Variants in GALNT15 observed in about 807,000 individuals in gnomAD.
GALNT15 encodes the protein UDP-GalNAc transferase T15.
GALNT15 carries 67 observed loss-of-function variants against 66.8 expected under a neutral mutation model. The ratio of observed to expected loss-of-function variants is 1.00; its 90% confidence interval spans 0.82 to 1.23. The LOEUF is 1.23. Among genes scored for constraint, GALNT15 ranks in the 50% most tolerant of loss-of-function variants. The pLI, the probability that GALNT15 is intolerant of heterozygous loss-of-function variation, is 0.00. For missense variants in GALNT15, 827 were observed against 804.3 expected, an observed-to-expected ratio of 1.03 and a Z score of -0.34; for synonymous variants, 313 against 311.5, an observed-to-expected ratio of 1.00 and a Z score of -0.05.
intron 8 of GALNT15, 53 bp from the exon 9 acceptor site, chr3:16,222,562 C>T: frequency 6.2e-7 from 1 of 1,607,818 alleles, no homozygotes; most frequent in Non-Finnish European, 8.5e-7. Context: ...TCCTCTACAG[C>T]TTTGAAGAGG....
At chr3:16,213,372 A>G (rs1284223303) in intron 6 of GALNT15, among the ~76,000 whole-genome samples, 1 of 146,284 alleles carries the variant, frequency 6.8e-6, no homozygotes, top group African/African-American at 2.5e-5. Flanking sequence ...GGAGAATGGC[A>G]TGAAGCTGGG....
chr3:16,243,598 T>C, the GALNT15 span, among the ~76,000 whole-genome samples: 2,093 of 152,250 alleles, frequency 0.014, 31 homozygotes, highest in Non-Finnish European at 0.02. Context: ...TGAGGAACCA[T>C]GGGTGTCTCA....
Position 16,217,607 on chromosome 3 carries a change from C to T in GALNT15, c.1393-1796C>T, listed in dbSNP as rs903903123. On this transcript the variant is annotated intron_variant, in intron 6 of 9. Transcript: ENST00000339732. ...ACAGAAATCCTGGGCACCCAAAAGACAAGGCCAGACTTTTGCTGCTTGGGG... is the reference window on the plus strand; with the variant it reads ...ACAGAAATCCTGGGCACCCAAAAGATAAGGCCAGACTTTTGCTGCTTGGGG... Among the ~76,000 whole-genome samples, 8 of 152,204 alleles carry T rather than the reference C, an allele frequency of 5.3e-5. 1 individual carries two copies. Among genetic ancestry groups the T allele is most frequent in the South Asian group, 4.1e-4 (2 of 4,832 alleles).
chr3:16,190,536 G>A (rs1408214380), intron 1 of GALNT15, among the ~76,000 whole-genome samples: 1 of 151,978 alleles, frequency 6.6e-6, no homozygotes. Flanking sequence ...TACTCAGGAG[G>A]CTGAGGCAGG....
At position 16,200,718 on chromosome 3, in the gene GALNT15, T is replaced by C; in HGVS notation, c.806T>C (p.Leu269Pro). 1.2e-6 allele frequency: 2 copies of C among 1,611,954 alleles called. No individual in the cohort carries two copies. Among genetic ancestry groups the C allele is most frequent in the Non-Finnish European group, 1.7e-6 (2 of 1,179,104 alleles). ...CTGGGTGCCATCAGGGCCCGGATGC[T>C]GGGGGCCACCAGAGCCACCGGGGAT... Reference protein sequence around the residue: ...KRLGAIRARMLGATRATGDVL... With the variant: ...KRLGAIRARMPGATRATGDVL... The change falls in exon 3 of 10, where the codon CTG becomes CCG. Residue 269 changes from leucine (L) to proline (P), a missense_variant. Coordinates refer to ENST00000339732, the MANE Select transcript of GALNT15 (RefSeq NM_054110.5). The surrounding 1 kb of genome is among the most constrained non-coding windows in gnomAD (Gnocchi z 4.4).
intron 3 of GALNT15, among the ~76,000 whole-genome samples, chr3:16,202,756 C>T (rs534916958): frequency 2.0e-5 from 3 of 152,298 alleles, no homozygotes; most frequent in African/African-American, 7.2e-5. Context: ...TTGATCTTGC[C>T]CATTTCCCAT....
chr3:16,232,550 C>T (rs1290825894), downstream of GALNT15, among the ~76,000 whole-genome samples: 1 of 132,444 alleles, frequency 7.6e-6, no homozygotes, highest in African/African-American at 2.8e-5. Context: ...GTTGAGCTCT[C>T]AGCAGCCTTG....
At chr3:16,213,507 T>G (rs1264905904) in intron 6 of GALNT15, among the ~76,000 whole-genome samples, 1 of 149,256 alleles carries the variant, frequency 6.7e-6, no homozygotes, top group African/African-American at 2.5e-5. Context: ...AATAAAAATT[T>G]TAAACATTTA....
At chr3:16,216,822 A>G (rs2102304) in intron 6 of GALNT15, among the ~76,000 whole-genome samples, 120,995 of 152,234 alleles carry the variant, frequency 0.79, 48,811 homozygotes, top group East Asian at 1. Context: ...AAACGCCACC[A>G]TTTTGCCTCT....
chr3:16,216,663 A>G (rs968289219), intron 6 of GALNT15, among the ~76,000 whole-genome samples: 4 of 152,118 alleles, frequency 2.6e-5, no homozygotes, highest in Non-Finnish European at 5.9e-5. Flanking sequence ...TTTTTCCCTG[A>G]TTCTTCCCCT....
chr3:16,246,764 T>C, the GALNT15 span, among the ~76,000 whole-genome samples: 2 of 152,140 alleles, frequency 1.3e-5, no homozygotes, highest in East Asian at 3.8e-4. Context: ...CATAATATTA[T>C]ATAGATTAAA....
At chr3:16,234,239 C>G (rs1040910738), downstream of GALNT15, among the ~76,000 whole-genome samples, 2 of 152,214 alleles carry the variant, frequency 1.3e-5, no homozygotes, top group Non-Finnish European at 2.9e-5. Flanking sequence ...CTGGCCCCAC[C>G]CATATCCCTC....
chr3:16,234,923 CTTT>C (rs1203363973), downstream of GALNT15, among the ~76,000 whole-genome samples: 6 of 131,118 alleles, frequency 4.6e-5, no homozygotes, highest in African/African-American at 2.9e-5. Context: ...TTATCCCAAT[CTTT>C]TTTTTTTTTT....
chr3:16,216,476 G>C (rs1247007236), intron 6 of GALNT15, among the ~76,000 whole-genome samples: 4 of 146,482 alleles, frequency 2.7e-5, no homozygotes, highest in Non-Finnish European at 5.9e-5. Flanking sequence ...TTTAGCCTGC[G>C]AGCCAGAGCA....
At chr3:16,202,039 GA>G (rs1436065918) in intron 3 of GALNT15, among the ~76,000 whole-genome samples, 3 of 152,198 alleles carry the variant, frequency 2.0e-5, no homozygotes, top group African/African-American at 7.2e-5. Context: ...TATCTCACCT[GA>G]AGTTAGGGAT....
rs976036190 is a variant in GALNT15, at chr3:16,230,132, C to T, written c.*2632C>T. 6.0e-5 allele frequency among the ~76,000 whole-genome samples: 9 copies of T among 149,532 alleles called. No individual in the cohort carries two copies. Among genetic ancestry groups the T allele is most frequent in the Admixed American group, 2.6e-4 (4 of 15,172 alleles). ...AATTTTGTGATTGGATTTTGTTGTT[C>T]GTTTTTTAAGATTGAATTTTGTTAC... On this transcript the variant is annotated 3_prime_UTR_variant, in exon 10 of 10. Transcript: ENST00000339732. The surrounding 1 kb of genome is among the most constrained non-coding windows in gnomAD (Gnocchi z 4.5).
rs140045267 is a variant in GALNT15, at chr3:16,191,179, C to T, written c.540-4581C>T. On this transcript the variant is annotated intron_variant, in intron 1 of 9. Coordinates refer to ENST00000339732, the MANE Select transcript of GALNT15 (RefSeq NM_054110.5). This position sits in a 1 kb window ranked among gnomAD's most constrained non-coding sequence, Gnocchi z 5.2. ...ATCTGTTCATAAAACCCCAAAATTC[C>T]TGGAGCAAGGGGAGTCTATGAAATT... 1.0e-3 allele frequency among the ~76,000 whole-genome samples: 155 copies of T among 152,330 alleles called. 1 individual carries two copies. The highest frequency in any genetic ancestry group is 3.6e-3 in the African/African-American group (148 of 41,570).
downstream of GALNT15, among the ~76,000 whole-genome samples, chr3:16,232,474 AT>A (rs56934337): frequency 0.042 from 2,151 of 51,358 alleles, 70 homozygotes; most frequent in African/African-American, 0.088. Flanking sequence ...AAATAAATAT[AT>A]ATATATATAT....
At chr3:16,185,991 A>G (rs1014264931) in intron 1 of GALNT15, among the ~76,000 whole-genome samples, 1 of 152,204 alleles carries the variant, frequency 6.6e-6, no homozygotes, top group African/African-American at 2.4e-5. Flanking sequence ...AAAAGATGTC[A>G]TCAAGAAAGT....
Sources: gnomAD v4.1 joint callset for allele counts (sites outside exome capture counted in the v4.1 genomes callset) on GRCh38, gnomAD v4.1.1 for gene constraint, Gnocchi (gnomAD v3.1) non-coding constraint, MANE v1.5 for transcripts, NCBI Gene and HGNC (gene_info 2026-07-23, HGNC 2026-07-21) for gene names.